ATP6V1A: variants seen among roughly 807,000 people sequenced by gnomAD.
ATP6V1A encodes V-type proton ATPase catalytic subunit A.
Under a neutral mutation model 70.1 loss-of-function variants are expected in ATP6V1A, and 18 were observed. That is an observed-to-expected ratio of 0.26 (90% CI 0.18 to 0.38). ATP6V1A has a LOEUF of 0.38. ATP6V1A is among the 10% of genes least tolerant of loss of function. ATP6V1A has a pLI of 1.00. For missense variants in ATP6V1A, 424 were observed against 772.4 expected (o/e 0.55, Z 5.35); for synonymous variants, 232 against 253.8 (o/e 0.91, Z 0.82).
At chr3:113,770,911 G>T (rs1708831812) in intron 1 of ATP6V1A, among the ~76,000 whole-genome samples, 1 of 151,904 alleles carries the variant, frequency 6.6e-6, no homozygotes, top group Non-Finnish European at 1.5e-5. Context: ...TGGCCAATAA[G>T]GTGAAACCCC....
At chr3:113,766,537 CT>C (rs1407105756) in intron 1 of ATP6V1A, among the ~76,000 whole-genome samples, 1 of 152,152 alleles carries the variant, frequency 6.6e-6, no homozygotes, top group African/African-American at 2.4e-5. Context: ...TCATGCAATC[CT>C]TCTGCCTTAG....
chr3:113,780,711 G>GT (rs755074939), intron 2 of ATP6V1A: 22 of 1,277,760 alleles, frequency 1.7e-5, no homozygotes, highest in South Asian at 6.4e-5. Flanking sequence ...ACTTTTAAAA[G>GT]TTTTTTTTAT....
chr3:113,754,896 C>G (rs1270714257), intron 1 of ATP6V1A, among the ~76,000 whole-genome samples: 1 of 152,182 alleles, frequency 6.6e-6, no homozygotes, highest in Non-Finnish European at 1.5e-5. Flanking sequence ...ATACATCATT[C>G]AAAGCCTAGA....
chr3:113,753,446 C>T (rs1292340814), intron 1 of ATP6V1A, among the ~76,000 whole-genome samples: 1 of 152,080 alleles, frequency 6.6e-6, no homozygotes, highest in Non-Finnish European at 1.5e-5. Flanking sequence ...GTAATCTTTT[C>T]CTTAGAAATA....
intron 8 of ATP6V1A, among the ~76,000 whole-genome samples, chr3:113,793,372 T>G (rs965769315): frequency 2.0e-5 from 3 of 152,184 alleles, no homozygotes; most frequent in African/African-American, 7.2e-5. Context: ...CAGAAACTCT[T>G]TGATTAATGA....
chr3:113,787,798 A>G (rs570974606), intron 6 of ATP6V1A, among the ~76,000 whole-genome samples: 156 of 152,352 alleles, frequency 1.0e-3, no homozygotes, highest in Admixed American at 2.5e-3. Flanking sequence ...CACTGACCTA[A>G]ATAAAATCAA....
chr3:113,794,739 AAGAGC>A lies in ATP6V1A; in HGVS notation c.989-130_989-126del, dbSNP rs1450567880. On this transcript the variant is annotated intron_variant, in intron 8 of 14. Coordinates refer to ENST00000273398, the MANE Select transcript of ATP6V1A (RefSeq NM_001690.4). ...TTCAGTGTGTGCCCAGAAAAAGAGG[AAGAGC>A]AGCTTTGAGGGAGCCACTAGCAGTC... is the stretch of plus-strand genomic sequence containing the variant. The A allele has an allele frequency of 7.0e-5, 70 of 1,005,168 alleles. No homozygotes were observed. In the African/African-American group the frequency reaches 9.1e-4, roughly 13 times the overall value. The allele number at this position is 1,005,168 out of a possible 1,614,324, so 62.3% of individuals were successfully genotyped here.
At chr3:113,757,561 GC>G (rs1393556429) in intron 1 of ATP6V1A, among the ~76,000 whole-genome samples, 1 of 152,150 alleles carries the variant, frequency 6.6e-6, no homozygotes, top group Non-Finnish European at 1.5e-5. Flanking sequence ...CATATTGTAA[GC>G]TGATATGCCA....
Position 113,803,593 on chromosome 3 carries a change from C to A in ATP6V1A, c.1505C>A (p.Ala502Glu), listed in dbSNP as rs1709239864. The A allele has an allele frequency of 6.2e-7, 1 of 1,607,492 alleles. No individual in the cohort carries two copies. Reference sequence around the variant, plus strand: ...CTTTTTCTCTTCTAGGCTTCTTTGGCAGAAACAGATAAAATCACTCTGGAG... The same window carrying A: ...CTTTTTCTCTTCTAGGCTTCTTTGGAAGAAACAGATAAAATCACTCTGGAG... ...IVQLVGKASL[A>E]ETDKITLEVA... Residue 502 changes from alanine (A) to glutamate (E), a missense_variant, in exon 13 of 15, where the codon GCA (alanine) becomes GAA (glutamate). By Grantham distance (107) the Ala-to-Glu change is moderately radical. Transcript: ENST00000273398.
chr3:113,777,627 C>A (rs1708929760), intron 1 of ATP6V1A, among the ~76,000 whole-genome samples: 1 of 152,270 alleles, frequency 6.6e-6, no homozygotes, highest in African/African-American at 2.4e-5. Flanking sequence ...GTAGGACACA[C>A]CTGTGGTCCC....
chr3:113,754,084 CAT>C (rs1708620325), intron 1 of ATP6V1A, among the ~76,000 whole-genome samples: 1 of 152,112 alleles, frequency 6.6e-6, no homozygotes, highest in Admixed American at 6.5e-5. Context: ...TCCATAGTAA[CAT>C]ATTTATATAA....
At chr3:113,768,066 C>T (rs1002624890) in intron 1 of ATP6V1A, among the ~76,000 whole-genome samples, 20 of 152,172 alleles carry the variant, frequency 1.3e-4, no homozygotes, top group Admixed American at 1.2e-3. Context: ...TCCACCCTAG[C>T]GTTTTATCTT....
At chr3:113,784,920 ATTGATAT>A (rs904621968) in intron 5 of ATP6V1A, 87 bp downstream of exon 5, 3 of 1,347,730 alleles carry the variant, frequency 2.2e-6, no homozygotes, top group Non-Finnish European at 3.0e-6. Context: ...TAATTAAAGA[ATTGATAT>A]TTAATACATA....
chr3:113,762,284 G>C (rs145805172), intron 1 of ATP6V1A, among the ~76,000 whole-genome samples: 6,912 of 150,530 alleles, frequency 0.046, 180 homozygotes, highest in Non-Finnish European at 0.071. Context: ...AATTGGTAAA[G>C]TTGGCTGGGC....
intron 1 of ATP6V1A, among the ~76,000 whole-genome samples, chr3:113,774,394 G>A (rs1033219119): frequency 6.6e-6 from 1 of 152,168 alleles, no homozygotes; most frequent in East Asian, 1.9e-4. Flanking sequence ...ACTGTTAGAT[G>A]CCTCACAAAA....
Position 113,809,473 on chromosome 3 carries a change from C to G in ATP6V1A, c.*46C>G. The G allele has an allele frequency of 1.3e-6, 2 of 1,537,924 alleles. No homozygotes were observed. Among genetic ancestry groups the G allele is most frequent in the Non-Finnish European group, 1.8e-6 (2 of 1,118,466 alleles). On this transcript the variant is annotated 3_prime_UTR_variant, in exon 15 of 15. Coordinates refer to ENST00000273398, the MANE Select transcript of ATP6V1A (RefSeq NM_001690.4). ...GTGATTTCCTTTTCCTCAGCAAGCT[C>G]CTATGTGTATATTTTCCTGAATTTC...
chr3:113,762,875 T>C (rs1708721621), intron 1 of ATP6V1A, among the ~76,000 whole-genome samples: 1 of 152,158 alleles, frequency 6.6e-6, no homozygotes, highest in Non-Finnish European at 1.5e-5. Flanking sequence ...AATAAACACG[T>C]ATATAAATAA....
rs746763265 is a variant in ATP6V1A, at chr3:113,809,394, C to T, written c.1821C>T (p.Asp607=). ...GCGACTATGCACAACTTCTTGAAGA[C>T]ATGCAGAATGCATTCCGTAGCCTTG... ...IKSDYAQLLE[D]MQNAFRSLED is the part of the protein sequence containing the mutation. Residue 607 remains aspartate (D), a synonymous_variant, in exon 15 of 15, where the codon GAC becomes GAT. Coordinates refer to ENST00000273398, the MANE Select transcript of ATP6V1A (RefSeq NM_001690.4). The T allele has an allele frequency of 2.9e-5, 47 of 1,613,764 alleles. No homozygotes were observed. The Admixed American group carries it at 7.8e-4, about 27-fold the overall frequency.
chr3:113,785,864 CT>C (rs567833457), intron 5 of ATP6V1A, among the ~76,000 whole-genome samples: 3,369 of 130,744 alleles, frequency 0.026, 47 homozygotes, highest in African/African-American at 0.074. Context: ...TTCTTTCTTT[CT>C]TTTTTTTTTT....
Sources: allele counts gnomAD v4.1 joint callset (sites outside exome capture counted in the v4.1 genomes callset), GRCh38; gene constraint gnomAD v4.1.1; transcripts MANE v1.5; gene names NCBI Gene and HGNC (gene_info 2026-07-23, HGNC 2026-07-21).